SAMSN1: variants seen among roughly 807,000 people sequenced by gnomAD.
SAMSN1 encodes the protein SAM domain-containing protein SAMSN-1.
A neutral mutation model predicts 42.0 loss-of-function variants in SAMSN1; 31 were observed. The observed-to-expected ratio is 0.74, with a 90% confidence interval of 0.55 to 1.00. SAMSN1 has a LOEUF of 1.00. SAMSN1 is among the 50% of genes least tolerant of loss of function. The pLI is 0.00. For synonymous variants in SAMSN1, 178 were observed against 151.9 expected (o/e 1.17, Z -1.26); for missense variants, 464 against 439.4 (o/e 1.06, Z -0.50).
intron 1 of SAMSN1, among the ~76,000 whole-genome samples, chr21:14,654,631 A>G (rs554473751): frequency 7.9e-5 from 12 of 152,184 alleles, no homozygotes; most frequent in African/African-American, 2.9e-4. Flanking sequence ...TGCTTACAAG[A>G]AGATATGGGC....
At chr21:14,574,023 C>T (rs1337539525) in intron 2 of SAMSN1, among the ~76,000 whole-genome samples, 1 of 152,154 alleles carries the variant, frequency 6.6e-6, no homozygotes, top group Non-Finnish European at 1.5e-5. Flanking sequence ...TGCCAAGGCT[C>T]ATTATATGTT....
upstream of SAMSN1, among the ~76,000 whole-genome samples, chr21:14,549,347 C>T (rs1238490665): frequency 6.6e-6 from 1 of 152,122 alleles, no homozygotes; most frequent in Admixed American, 6.6e-5. Flanking sequence ...TCCTACTCTA[C>T]ATTTTATTTT....
At chr21:14,526,852 C>G (rs2822742) in intron 1 of SAMSN1, among the ~76,000 whole-genome samples, 41,813 of 152,038 alleles carry the variant, frequency 0.28, 6,661 homozygotes, top group South Asian at 0.34. Flanking sequence ...ATGAAAATTA[C>G]AGGGTCTCTA....
At chr21:14,548,206 C>T (rs1404657952), upstream of SAMSN1, among the ~76,000 whole-genome samples, 2 of 152,084 alleles carry the variant, frequency 1.3e-5, no homozygotes, top group Non-Finnish European at 2.9e-5. Flanking sequence ...AATAAAATGG[C>T]AATGATAATG....
intron 5 of SAMSN1, among the ~76,000 whole-genome samples, chr21:14,506,356 C>CAGG (rs61409412): frequency 1.3e-4 from 19 of 151,924 alleles, no homozygotes; most frequent in African/African-American, 4.1e-4. Context: ...TGAAATGAAA[C>CAGG]GGGGTATTAC....
intron 1 of SAMSN1, among the ~76,000 whole-genome samples, chr21:14,648,520 TC>T (rs1360910044): frequency 1.3e-5 from 2 of 152,188 alleles, no homozygotes; most frequent in Admixed American, 1.3e-4. Flanking sequence ...AACCTACTCA[TC>T]TGACAAAGGG....
intron 2 of SAMSN1, among the ~76,000 whole-genome samples, chr21:14,553,867 A>T (rs1980676064): frequency 6.6e-6 from 1 of 152,088 alleles, no homozygotes; most frequent in Non-Finnish European, 1.5e-5. Flanking sequence ...ATATCCTAAA[A>T]TGTCATATTA....
chr21:14,499,205 G>T (rs1225024360), intron 6 of SAMSN1, among the ~76,000 whole-genome samples: 2 of 152,162 alleles, frequency 1.3e-5, no homozygotes, highest in Admixed American at 1.3e-4. Flanking sequence ...GTTGGGGAAA[G>T]AATTGTTTTC....
intron 5 of SAMSN1, among the ~76,000 whole-genome samples, chr21:14,604,396 T>C (rs938903988): frequency 2.6e-5 from 4 of 152,046 alleles, no homozygotes; most frequent in African/African-American, 9.7e-5. Context: ...GAAGTAATAT[T>C]TTGTGACTTC....
At chr21:14,658,699 A>T (rs759744314) in intron 1 of SAMSN1, 2 of 713,892 alleles carry the variant, frequency 2.8e-6, no homozygotes, top group African/African-American at 1.8e-5. Flanking sequence ...TCCTTTTGAC[A>T]CAGTAAAATT....
chr21:14,637,858 G>T (rs1485283257), intron 2 of SAMSN1, among the ~76,000 whole-genome samples: 11 of 152,170 alleles, frequency 7.2e-5, no homozygotes, highest in Non-Finnish European at 1.3e-4. Flanking sequence ...AGAGACAAAA[G>T]ATAGCCACCT....
intron 2 of SAMSN1, among the ~76,000 whole-genome samples, chr21:14,624,712 G>A (rs891481029): frequency 2.0e-5 from 3 of 152,140 alleles, no homozygotes; most frequent in South Asian, 2.1e-4. Context: ...GGAGGAGCTG[G>A]TACCATTCCT....
At chr21:14,615,652 C>T (rs1982815586) in intron 3 of SAMSN1, among the ~76,000 whole-genome samples, 1 of 152,124 alleles carries the variant, frequency 6.6e-6, no homozygotes, top group Admixed American at 6.5e-5. Context: ...TAGAAAAATA[C>T]TTCAGAAGAT....
At position 14,492,846 on chromosome 21, in the gene SAMSN1, A is replaced by T. The variant is rs372388178; in HGVS notation, c.919+5596T>A. ...CTATAGATATTAAATACATACAAGTAAAATGCCTGCATGCTTTCTCTACTT... is the reference window on the plus strand; with the variant it reads ...CTATAGATATTAAATACATACAAGTTAAATGCCTGCATGCTTTCTCTACTT... On this transcript the variant is annotated intron_variant, in intron 7 of 7. Transcript: ENST00000400566. 8.5e-5 allele frequency among the ~76,000 whole-genome samples: 13 copies of T among 152,368 alleles called. 1 individual carries two copies. The highest frequency in any genetic ancestry group is 2.6e-4 in the Admixed American group (4 of 15,308).
intron 3 of SAMSN1, among the ~76,000 whole-genome samples, chr21:14,615,506 G>A (rs997907735): frequency 1.3e-5 from 2 of 152,026 alleles, no homozygotes; most frequent in African/African-American, 2.4e-5. Flanking sequence ...TGTGTAATTC[G>A]TGCTTATCAA....
upstream of SAMSN1, among the ~76,000 whole-genome samples, chr21:14,547,597 G>A (rs142259173): frequency 7.1e-3 from 1,077 of 152,238 alleles, 6 homozygotes; most frequent in Non-Finnish European, 0.011. Flanking sequence ...ATTGAAAAGT[G>A]TAGTGCCATA....
rs149264891 is a variant in SAMSN1, at chr21:14,596,817, A to T, written c.400-2739T>A. Among the ~76,000 whole-genome samples, 122 of 152,156 alleles carry T rather than the reference A, an allele frequency of 8.0e-4. 1 individual carries two copies. The South Asian group carries it at 9.9e-3, about 12-fold the overall frequency. ...GATAACACCTTGAGCGACACTAACC[A>T]CCTGAGATTATAACCACATGAGAGA... On this transcript the variant is annotated intron_variant, in intron 6 of 15. Coordinates refer to the SAMSN1 transcript ENST00000647101.
upstream of SAMSN1, among the ~76,000 whole-genome samples, chr21:14,585,006 T>C (rs1981873731): frequency 1.4e-5 from 2 of 140,238 alleles, no homozygotes; most frequent in Admixed American, 1.5e-4. Flanking sequence ...ACGTAGGAAA[T>C]GTGACGTTTT....
At chr21:14,490,068 T>G (rs568943021) in intron 7 of SAMSN1, among the ~76,000 whole-genome samples, 1 of 152,258 alleles carries the variant, frequency 6.6e-6, no homozygotes, top group Non-Finnish European at 1.5e-5. Flanking sequence ...GAAAACTAAT[T>G]TTTGCTTGAC....
Sources: gnomAD v4.1 joint callset for allele counts (sites outside exome capture counted in the v4.1 genomes callset) on GRCh38, gnomAD v4.1.1 for gene constraint, MANE v1.5 for transcripts, NCBI Gene and HGNC (gene_info 2026-07-23, HGNC 2026-07-21) for gene names.